CDH12: variants seen among roughly 807,000 people sequenced by gnomAD.
CDH12 encodes the protein cadherin-12.
Under a neutral mutation model 74.1 loss-of-function variants are expected in CDH12, and 41 were observed. That is an observed-to-expected ratio of 0.55 (90% CI 0.43 to 0.72). The LOEUF (loss-of-function observed/expected upper bound fraction) is 0.72. CDH12 is among the 30% of genes least tolerant of loss of function. The probability of loss-of-function intolerance (pLI) is 0.00; values close to 1 mark genes in which losing one functional copy is unlikely to be tolerated. For synonymous variants in CDH12, 399 were observed against 355.0 expected (o/e 1.12, Z -1.39); for missense variants, 945 against 977.2 (o/e 0.97, Z 0.44).
chr5:22,811,150 C>CAT (rs560653431), intron 1 of CDH12, among the ~76,000 whole-genome samples: 2,125 of 151,100 alleles, frequency 0.014, 53 homozygotes, highest in African/African-American at 0.048. Context: ...TCCAAATATA[C>CAT]ATATATATAT....
chr5:22,711,342 T>C (rs1279640788), intron 1 of CDH12, among the ~76,000 whole-genome samples: 2 of 152,080 alleles, frequency 1.3e-5, no homozygotes, highest in African/African-American at 2.4e-5. Flanking sequence ...AAGGAGTTAA[T>C]ATGAAGTCAC....
rs191430977 is a variant in CDH12, at chr5:22,694,332, C to T, written c.-523+158726G>A. On this transcript the variant is annotated intron_variant, in intron 1 of 14. Coordinates refer to ENST00000382254, the MANE Select transcript of CDH12 (RefSeq NM_004061.5). ...ACAATCTCCATACATGATTTTTCTA[C>T]TTAGAAATCCTTCTACATTCCAAAA... Among the ~76,000 whole-genome samples, 44 of 152,278 alleles carry T rather than the reference C, an allele frequency of 2.9e-4. No individual in the cohort carries two copies. In the East Asian group the frequency reaches 4.8e-3, roughly 17 times the overall value.
chr5:21,964,380 A>T (rs1363185429), intron 6 of CDH12, among the ~76,000 whole-genome samples: 1 of 151,996 alleles, frequency 6.6e-6, no homozygotes, highest in Non-Finnish European at 1.5e-5. Flanking sequence ...ACACTTCCCC[A>T]TCCTTCTTAA....
intron 6 of CDH12, among the ~76,000 whole-genome samples, chr5:21,921,509 A>G (rs565820552): frequency 6.6e-6 from 1 of 152,224 alleles, no homozygotes; most frequent in African/African-American, 2.4e-5. Context: ...CCCAAACTAT[A>G]TAGGGCTTGA....
At chr5:22,697,794 G>A (rs1444345087) in intron 1 of CDH12, among the ~76,000 whole-genome samples, 2 of 151,944 alleles carry the variant, frequency 1.3e-5, no homozygotes, top group Non-Finnish European at 1.5e-5. Context: ...ATAAAGGTGG[G>A]GCCCTAATCT....
chr5:21,785,777 G>A (rs1746164792), intron 10 of CDH12, among the ~76,000 whole-genome samples: 1 of 152,182 alleles, frequency 6.6e-6, no homozygotes, highest in South Asian at 2.1e-4. Context: ...TAACATTAAA[G>A]TGCAAGGTAA....
At chr5:22,086,750 T>A (rs1361071069) in intron 4 of CDH12, among the ~76,000 whole-genome samples, 1 of 150,870 alleles carries the variant, frequency 6.6e-6, no homozygotes, top group Non-Finnish European at 1.5e-5. Context: ...AAAAAAAAAA[T>A]GTTAAAAAAA....
chr5:21,786,722 A>G (rs1746218670), intron 10 of CDH12, among the ~76,000 whole-genome samples: 1 of 152,220 alleles, frequency 6.6e-6, no homozygotes, highest in Non-Finnish European at 1.5e-5. Flanking sequence ...GACTTCTATG[A>G]TGATTCTTGA....
chr5:21,953,916 C>G (rs1400192662), intron 6 of CDH12, among the ~76,000 whole-genome samples: 1 of 152,090 alleles, frequency 6.6e-6, no homozygotes, highest in Non-Finnish European at 1.5e-5. Context: ...TACCAGATGT[C>G]TCTCAGACTA....
chr5:22,274,661 AT>A (rs1432346022), intron 3 of CDH12, among the ~76,000 whole-genome samples: 1 of 152,132 alleles, frequency 6.6e-6, no homozygotes, highest in African/African-American at 2.4e-5. Flanking sequence ...CAATATATAT[AT>A]AATATGCACA....
chr5:22,501,537 A>G (rs1434750772), intron 2 of CDH12, among the ~76,000 whole-genome samples: 1 of 151,068 alleles, frequency 6.6e-6, no homozygotes, highest in Non-Finnish European at 1.5e-5. Context: ...TGTGTAGATG[A>G]TGAATCATAA....
At chr5:21,894,792 C>T (rs547456163) in intron 6 of CDH12, among the ~76,000 whole-genome samples, 5 of 152,102 alleles carry the variant, frequency 3.3e-5, no homozygotes, top group South Asian at 2.1e-4. Context: ...CTTGGCAACA[C>T]GAAAAGAAAT....
At chr5:21,931,710 C>T (rs554569411) in intron 6 of CDH12, among the ~76,000 whole-genome samples, 2 of 152,268 alleles carry the variant, frequency 1.3e-5, no homozygotes, top group African/African-American at 4.8e-5. Flanking sequence ...TGCACTAATT[C>T]CAAAATAGAC....
intron 1 of CDH12, among the ~76,000 whole-genome samples, chr5:22,767,511 C>T (rs1356582253): frequency 2.0e-5 from 3 of 151,766 alleles, no homozygotes; most frequent in African/African-American, 4.8e-5. Flanking sequence ...CAAAACTCAA[C>T]CCAGTCATAA....
At chr5:21,827,158 C>T (rs145935670) in intron 8 of CDH12, among the ~76,000 whole-genome samples, 175 of 152,262 alleles carry the variant, frequency 1.1e-3, no homozygotes, top group African/African-American at 4.0e-3. Context: ...AACATAGTTC[C>T]TCATTTTGTC....
chr5:22,071,320 T>C (rs1741926988), intron 5 of CDH12, among the ~76,000 whole-genome samples: 2 of 152,162 alleles, frequency 1.3e-5, no homozygotes, highest in Non-Finnish European at 2.9e-5. Context: ...CTCCTTCATT[T>C]ATGCTTTTGA....
chr5:22,527,374 A>G (rs1247066418), intron 1 of CDH12, among the ~76,000 whole-genome samples: 1 of 152,110 alleles, frequency 6.6e-6, no homozygotes, highest in Non-Finnish European at 1.5e-5. Flanking sequence ...TCATTTAACT[A>G]AAAACTTTGC....
At chr5:21,864,516 A>C (rs905269928) in intron 6 of CDH12, among the ~76,000 whole-genome samples, 1 of 152,110 alleles carries the variant, frequency 6.6e-6, no homozygotes, top group Non-Finnish European at 1.5e-5. Flanking sequence ...GCAACTTCTC[A>C]ATCTTGGACT....
intron 1 of CDH12, among the ~76,000 whole-genome samples, chr5:22,678,044 TGG>T (rs61039186): frequency 3.7e-5 from 5 of 135,126 alleles, no homozygotes; most frequent in African/African-American, 7.9e-5. Flanking sequence ...ACCATCCTCA[TGG>T]GGGGGGGGGT....
Sources: allele counts gnomAD v4.1 joint callset (sites outside exome capture counted in the v4.1 genomes callset), GRCh38; gene constraint gnomAD v4.1.1; transcripts MANE v1.5; gene names NCBI Gene and HGNC (gene_info 2026-07-23, HGNC 2026-07-21).